The following COL19A1 variants were observed in gnomAD, a reference collection of about 807,000 sequenced individuals.
The protein encoded by COL19A1 is collagen type XIX alpha 1 chain.
In COL19A1, 159 loss-of-function variants were observed where a neutral mutation model predicts 190.2. That is an observed-to-expected ratio of 0.84 (90% CI 0.73 to 0.95). COL19A1 has a LOEUF of 0.95. Among genes scored for constraint, COL19A1 ranks in the 40% least tolerant of loss-of-function variants. The pLI is 0.00. For missense variants in COL19A1, 1,418 were observed against 1,431.9 expected, an observed-to-expected ratio of 0.99 and a Z score of 0.16; for synonymous variants, 509 against 458.9, an observed-to-expected ratio of 1.11 and a Z score of -1.39.
intron 11 of COL19A1, among the ~76,000 whole-genome samples, chr6:69,986,252 T>TAC (rs1433452348): frequency 2.3e-4 from 26 of 114,658 alleles, no homozygotes; most frequent in African/African-American, 4.6e-4. Flanking sequence ...TATATATATA[T>TAC]ACACACACAC....
chr6:69,993,146 G>T (rs1355986797), intron 11 of COL19A1, among the ~76,000 whole-genome samples: 1 of 151,958 alleles, frequency 6.6e-6, no homozygotes, highest in African/African-American at 2.4e-5. Context: ...TGCCTAGTTT[G>T]TTGAGGATTT....
intron 15 of COL19A1, among the ~76,000 whole-genome samples, chr6:70,082,083 A>G (rs1436825867): frequency 6.6e-6 from 1 of 152,186 alleles, no homozygotes; most frequent in African/African-American, 2.4e-5. Context: ...AACAAGTTTG[A>G]TAAAACATTT....
At chr6:69,926,302 T>A (rs1772391944) in intron 4 of COL19A1, among the ~76,000 whole-genome samples, 1 of 152,180 alleles carries the variant, frequency 6.6e-6, no homozygotes, top group Non-Finnish European at 1.5e-5. Flanking sequence ...CAATAGAAAC[T>A]GTTTCTGAGG....
At chr6:70,189,278 C>T (rs1388802784) in intron 47 of COL19A1, among the ~76,000 whole-genome samples, 5 of 152,096 alleles carry the variant, frequency 3.3e-5, no homozygotes, top group African/African-American at 9.7e-5. Context: ...CAGTGAAGAG[C>T]GATGAGGAAC....
At chr6:69,914,502 G>T (rs935595443) in intron 4 of COL19A1, among the ~76,000 whole-genome samples, 2 of 152,154 alleles carry the variant, frequency 1.3e-5, no homozygotes, top group Non-Finnish European at 2.9e-5. Context: ...AAATACGGAA[G>T]TTCTTCCTAA....
At chr6:69,888,195 A>T (rs1277134730) in intron 2 of COL19A1, among the ~76,000 whole-genome samples, 1 of 152,180 alleles carries the variant, frequency 6.6e-6, no homozygotes, top group Non-Finnish European at 1.5e-5. Context: ...GCAAGAACAG[A>T]CAAAGCCGGT....
chr6:69,918,157 G>T (rs1771435514), intron 4 of COL19A1, among the ~76,000 whole-genome samples: 1 of 152,204 alleles, frequency 6.6e-6, no homozygotes, highest in African/African-American at 2.4e-5. Context: ...CATGGTCAGA[G>T]AAATGCATCT....
At chr6:69,962,326 G>A (rs986808109) in intron 10 of COL19A1, among the ~76,000 whole-genome samples, 19 of 152,178 alleles carry the variant, frequency 1.2e-4, no homozygotes, top group African/African-American at 4.6e-4. Flanking sequence ...CATAGCACTG[G>A]TGTCGAAGGT....
Position 69,929,457 on chromosome 6 carries a change from G to A in COL19A1, c.423G>A (p.Val141=). The A allele has an allele frequency of 1.2e-6, 2 of 1,613,886 alleles. No individual in the cohort carries two copies. The highest frequency in any genetic ancestry group is 1.7e-6 in the Non-Finnish European group (2 of 1,179,896). The change falls in exon 6 of 51, where the codon GTG becomes GTA. Residue 141 remains valine, a synonymous_variant. Transcript: ENST00000620364. ...TAGTAGTTGATGGTGGAAAGAAGGT[G>A]GTGGAATTTATGTTTCAAGCCACAG... The part of the protein sequence containing the change: ...ISIVVDGGKK[V]VEFMFQATEG...
chr6:70,049,326 A>C (rs1484818066), intron 14 of COL19A1, among the ~76,000 whole-genome samples: 1 of 151,958 alleles, frequency 6.6e-6, no homozygotes, highest in Non-Finnish European at 1.5e-5. Flanking sequence ...ATTTGTGGGC[A>C]AAAGACATGT....
At position 70,161,926 on chromosome 6, in the gene COL19A1, A is replaced by G; in HGVS notation, c.2319A>G (p.Pro773=). The G allele has an allele frequency of 1.2e-6, 2 of 1,607,782 alleles. No homozygotes were observed. The highest frequency in any genetic ancestry group is 2.7e-5 in the African/African-American group (2 of 74,748). The change falls in exon 35 of 51, where the codon CCA becomes CCG. Residue 773 remains proline, a synonymous_variant. Coordinates refer to ENST00000620364, the MANE Select transcript of COL19A1 (RefSeq NM_001858.6). ...GTCTTCAAGGAATTCCAGGCATTCC[A>G]GGTGCTCCAGGCCCGACTGGACCCC... is the stretch of plus-strand genomic sequence containing the variant. The part of the protein sequence containing the change: ...DEGLQGIPGI[P]GAPGPTGPPG...
At chr6:70,169,210 C>T (rs1181836359) in intron 40 of COL19A1, among the ~76,000 whole-genome samples, 4 of 152,164 alleles carry the variant, frequency 2.6e-5, no homozygotes, top group Non-Finnish European at 2.9e-5. Flanking sequence ...TCATGTCCTC[C>T]AGCCGCCTAA....
rs990439446 is a variant in COL19A1 at position 70,180,180 on chromosome 6, C to T, written c.2668-132C>T. On this transcript the variant is annotated intron_variant, in intron 42 of 50. Transcript: ENST00000620364. ...GGATTCCAGACATGAGCCACCACAC[C>T]TGGCCAGAAATGCCACTGGAGAGCA... is the stretch of plus-strand genomic sequence containing the variant. The T allele has an allele frequency of 1.3e-4, 130 of 963,268 alleles. 1 individual carries two copies. The highest frequency in any genetic ancestry group is 5.7e-4 in the African/African-American group (35 of 61,272). 59.7% of individuals were successfully genotyped at this position (963,268 alleles called of 1,614,324 possible).
chr6:70,102,192 T>C lies in COL19A1; in HGVS notation c.1248T>C (p.Pro416=). The C allele has an allele frequency of 1.9e-6, 3 of 1,612,754 alleles. No individual in the cohort carries two copies. The highest frequency in any genetic ancestry group is 1.7e-4 in the Middle Eastern group (1 of 6,056). Residue 416 remains proline, a synonymous_variant, in exon 16 of 51, where the codon CCT becomes CCC. Transcript: ENST00000620364. ...AGGGAAGACGAGGGAAAACAGGACC[T>C]CCCGGAAAACCAGGACCCCCAGGAC... The part of the protein sequence containing the change: ...GQRGRRGKTG[P]PGKPGPPGPP...
At chr6:70,171,737 T>C (rs1004665189) in intron 40 of COL19A1, among the ~76,000 whole-genome samples, 1 of 152,204 alleles carries the variant, frequency 6.6e-6, no homozygotes, top group African/African-American at 2.4e-5. Context: ...ATGAAAATGA[T>C]TAATCAGAAA....
In COL19A1 at chr6:70,210,327, A is replaced by C. The variant is rs1265790524; in HGVS notation, c.*3053A>C. 6.6e-6 allele frequency among the ~76,000 whole-genome samples: 1 copy of C among 152,184 alleles called. No homozygotes were observed. Among genetic ancestry groups the C allele is most frequent in the South Asian group, 2.1e-4 (1 of 4,832 alleles). On this transcript the variant is annotated 3_prime_UTR_variant, in exon 51 of 51. Transcript: ENST00000620364. ...TTGGAATCCAAAGAAAAACAGAAGA[A>C]TAATTCATGGATTTGTTCATTGTTC...
chr6:70,010,268 T>C (rs1167860821), intron 11 of COL19A1, among the ~76,000 whole-genome samples: 1 of 152,156 alleles, frequency 6.6e-6, no homozygotes, highest in Non-Finnish European at 1.5e-5. Context: ...ACACGAAAGA[T>C]ATATGAATTG....
At chr6:70,168,904 G>A (rs1387410041) in intron 40 of COL19A1, among the ~76,000 whole-genome samples, 1 of 152,134 alleles carries the variant, frequency 6.6e-6, no homozygotes, top group Admixed American at 6.6e-5. Flanking sequence ...CTTTCCGTCA[G>A]TGTGTTTTTA....
At chr6:70,008,181 A>G (rs993099483) in intron 11 of COL19A1, among the ~76,000 whole-genome samples, 1 of 151,924 alleles carries the variant, frequency 6.6e-6, no homozygotes, top group African/African-American at 2.4e-5. Context: ...CAATAAAATC[A>G]GAGTGGAAAT....
Sources: gnomAD v4.1 joint callset for allele counts (sites outside exome capture counted in the v4.1 genomes callset) on GRCh38, gnomAD v4.1.1 for gene constraint, MANE v1.5 for transcripts, NCBI Gene and HGNC (gene_info 2026-07-23, HGNC 2026-07-21) for gene names.